The following DDAH1 variants were observed in gnomAD, a reference collection of about 807,000 sequenced individuals.
DDAH1 encodes dimethylarginine dimethylaminohydrolase 1.
DDAH1 carries 19 observed loss-of-function variants against 28.8 expected under a neutral mutation model. The ratio of observed to expected loss-of-function variants is 0.66; its 90% confidence interval spans 0.46 to 0.97. The LOEUF is 0.97. Ranked by LOEUF, DDAH1 falls within the 50% of genes least tolerant of loss-of-function variation. The pLI is 0.00. For synonymous variants in DDAH1, 153 were observed against 154.4 expected (o/e 0.99, Z 0.07); for missense variants, 326 against 375.9 (o/e 0.87, Z 1.10).
chr1:85,465,186 C>A, upstream of DDAH1: 1 of 1,135,806 alleles, frequency 8.8e-7, no homozygotes, highest in South Asian at 4.3e-5. Context: ...AGCTCGCGCC[C>A]GGAGCCCTGC....
chr1:85,414,578 C>T (rs1368040450), intron 1 of DDAH1, among the ~76,000 whole-genome samples: 1 of 152,128 alleles, frequency 6.6e-6, no homozygotes, highest in African/African-American at 2.4e-5. Flanking sequence ...AAAAGAGAAA[C>T]AACTCAATAG....
intron 1 of DDAH1, among the ~76,000 whole-genome samples, chr1:85,411,516 A>G (rs553373376): frequency 2.0e-5 from 3 of 152,028 alleles, no homozygotes; most frequent in Non-Finnish European, 4.4e-5. Context: ...TCTACACCAA[A>G]TTGCATGAGC....
Position 85,464,501 on chromosome 1 carries a change from C to T in DDAH1, c.303+242G>A, listed in dbSNP as rs1457401451. On this transcript the variant is annotated intron_variant, in intron 1 of 5. Transcript: ENST00000284031. The surrounding 1 kb of genome is among the most constrained non-coding windows in gnomAD (Gnocchi z 4.4). ...GGAATCCCCCGCCCACCCACCTGCC[C>T]GAGACCGTACAACCACATTGAATCG... 1 of 1,526,642 alleles carries T rather than the reference C, an allele frequency of 6.6e-7. No homozygotes were observed. The highest frequency in any genetic ancestry group is 1.4e-5 in the African/African-American group (1 of 72,640). 94.6% of individuals were successfully genotyped at this position (1,526,642 alleles called of 1,614,324 possible).
intron 1 of DDAH1, among the ~76,000 whole-genome samples, chr1:85,370,055 T>C (rs1473580896): frequency 2.6e-5 from 4 of 152,212 alleles, no homozygotes; most frequent in Non-Finnish European, 5.9e-5. Context: ...AAGATTCATA[T>C]GTTGAAAACT....
At chr1:85,362,400 G>A (rs1414125619) in intron 1 of DDAH1, among the ~76,000 whole-genome samples, 1 of 152,088 alleles carries the variant, frequency 6.6e-6, no homozygotes, top group African/African-American at 2.4e-5. Context: ...ACCACTCTAA[G>A]GGACCCAATC....
At chr1:85,412,312 T>C (rs1349287016) in intron 1 of DDAH1, among the ~76,000 whole-genome samples, 2 of 152,240 alleles carry the variant, frequency 1.3e-5, no homozygotes, top group East Asian at 3.9e-4. Flanking sequence ...ATCAGTCTAC[T>C]GTTAGAACAC....
Position 85,516,005 on chromosome 1 carries a change from CAT to C in DDAH1, c.-122-19726_-122-19725del, listed in dbSNP as rs1457812741. ...GATGTCTACCTTAGTGCTGTGTCCT[CAT>C]ATGGTCACCCTTTTGTTTCTGTGTT... On this transcript the variant is annotated intron_variant, in intron 1 of 6. Coordinates refer to the DDAH1 transcript ENST00000426972. Among the ~76,000 whole-genome samples the C allele has an allele frequency of 7.2e-5, 11 of 152,226 alleles. No individual in the cohort carries two copies. The East Asian group carries it at 1.5e-3, about 21-fold the overall frequency.
chr1:85,446,591 C>T (rs983929706), intron 1 of DDAH1, among the ~76,000 whole-genome samples: 10 of 152,264 alleles, frequency 6.6e-5, no homozygotes, highest in Admixed American at 2.0e-4. Context: ...GGCAACATCA[C>T]GCCAAAGACA....
intron 1 of DDAH1, among the ~76,000 whole-genome samples, chr1:85,402,443 T>C (rs765501569): frequency 6.6e-6 from 1 of 152,162 alleles, no homozygotes; most frequent in Admixed American, 6.5e-5. Context: ...GACAAAATAT[T>C]TTCAAAAATA....
At chr1:85,465,592 ATTC>A (rs1655347518), upstream of DDAH1, among the ~76,000 whole-genome samples, 1 of 152,132 alleles carries the variant, frequency 6.6e-6, no homozygotes, top group Admixed American at 6.5e-5. Flanking sequence ...TGGTTTACAG[ATTC>A]TTCATGTTGA....
chr1:85,350,480 A>C lies in DDAH1; in HGVS notation c.532T>G (p.Cys178Gly). The change falls in exon 4 of 6, where the codon TGC (cysteine) becomes GGC (glycine). Residue 178 changes from cysteine to glycine, a missense_variant. Cys to Gly is a radical substitution (Grantham distance 159). Transcript: ENST00000284031. The stretch of plus-strand genomic sequence containing the variant: ...ATCAGGTTAGGCCCAGCCATGCTGC[A>C]GAAACTCTTCAAATGCAACCCATCT... ...VADGLHLKSF[C>G]SMAGPNLIAI... 11 of 1,614,174 alleles carry C rather than the reference A, an allele frequency of 6.8e-6. No individual in the cohort carries two copies. Among genetic ancestry groups the C allele is most frequent in the Non-Finnish European group, 8.5e-6 (10 of 1,180,008 alleles).
chr1:85,336,870 C>A (rs369709183), intron 4 of DDAH1, among the ~76,000 whole-genome samples: 6 of 152,012 alleles, frequency 3.9e-5, no homozygotes. Context: ...TACCCTGATA[C>A]CAAAACTAGA....
chr1:85,577,041 G>A (rs886891250), intron 1 of DDAH1, among the ~76,000 whole-genome samples: 3 of 152,090 alleles, frequency 2.0e-5, no homozygotes, highest in African/African-American at 7.2e-5. Context: ...ATGGGCCGGG[G>A]CTGGAAACGT....
At chr1:85,569,273 T>G (rs1437524193) in intron 1 of DDAH1, among the ~76,000 whole-genome samples, 2 of 152,196 alleles carry the variant, frequency 1.3e-5, no homozygotes, top group Non-Finnish European at 2.9e-5. Context: ...GGTCCAGGTT[T>G]TATCTGAAGC....
At chr1:85,471,322 C>G (rs1011115175) in intron 2 of DDAH1, among the ~76,000 whole-genome samples, 1 of 152,080 alleles carries the variant, frequency 6.6e-6, no homozygotes, top group Admixed American at 6.5e-5. Context: ...TTTGCTAGTC[C>G]CTGGGTTCCT....
intron 1 of DDAH1, chr1:85,576,600 C>G (rs951289818): frequency 6.6e-6 from 1 of 152,490 alleles, no homozygotes; most frequent in African/African-American, 2.4e-5. Context: ...CTCCGAACAT[C>G]CCCCCGCCCA....
intron 1 of DDAH1, among the ~76,000 whole-genome samples, chr1:85,407,217 A>G (rs1652448268): frequency 6.6e-6 from 1 of 152,222 alleles, no homozygotes; most frequent in South Asian, 2.1e-4. Flanking sequence ...CTAATTTAGG[A>G]AAGATGAGAC....
intron 1 of DDAH1, among the ~76,000 whole-genome samples, chr1:85,386,837 G>A (rs1472355237): frequency 6.6e-6 from 1 of 152,194 alleles, no homozygotes; most frequent in Admixed American, 6.5e-5. Context: ...AATCTAGGTG[G>A]AAGCTGCCAA....
intron 1 of DDAH1, among the ~76,000 whole-genome samples, chr1:85,429,182 C>T (rs1480138575): frequency 2.7e-5 from 4 of 146,678 alleles, no homozygotes; most frequent in Non-Finnish European, 3.0e-5. Context: ...CACCCCCCAG[C>T]AGGCCCCTGT....
Sources: gnomAD v4.1 joint callset for allele counts (sites outside exome capture counted in the v4.1 genomes callset) on GRCh38, gnomAD v4.1.1 for gene constraint, Gnocchi (gnomAD v3.1) non-coding constraint, MANE v1.5 for transcripts, NCBI Gene and HGNC (gene_info 2026-07-23, HGNC 2026-07-21) for gene names.